GSG1L: variants seen among roughly 807,000 people sequenced by gnomAD.
The protein encoded by GSG1L is germ cell-specific gene 1-like protein.
In GSG1L, 24 loss-of-function variants were observed where a neutral mutation model predicts 42.1. The observed-to-expected ratio is 0.57, with a 90% CI of 0.41 to 0.80. The LOEUF (loss-of-function observed/expected upper bound fraction) is 0.80, where lower values mean the gene tolerates loss of function less well. Among genes scored for constraint, GSG1L ranks in the 30% least tolerant of loss-of-function variants. The probability of loss-of-function intolerance (pLI) is 0.00; values close to 1 mark genes in which losing one functional copy is unlikely to be tolerated. For synonymous variants in GSG1L, 215 were observed against 203.5 expected (o/e 1.06, Z -0.48); for missense variants, 445 against 472.2 (o/e 0.94, Z 0.53).
rs1206944218 is a variant in GSG1L, at chr16:27,976,831, C to T, written c.350-13628G>A. On this transcript the variant is annotated intron_variant, in intron 1 of 6. Coordinates refer to ENST00000447459, the MANE Select transcript of GSG1L (RefSeq NM_001109763.2). ...CTTCAAGATCCAGCTCAAATGTCCA[C>T]CCCACTCTCCCGTCATGAAGCCTGT... 2.6e-5 allele frequency among the ~76,000 whole-genome samples: 4 copies of T among 152,222 alleles called. No individual in the cohort carries two copies. The East Asian group carries it at 7.7e-4, about 29-fold the overall frequency.
chr16:27,866,038 C>A (rs1458268402), intron 3 of GSG1L, among the ~76,000 whole-genome samples: 1 of 151,976 alleles, frequency 6.6e-6, no homozygotes, highest in East Asian at 1.9e-4. Context: ...CTCTCTGTGT[C>A]TCTCTCTAGT....
intron 5 of GSG1L, among the ~76,000 whole-genome samples, chr16:27,814,794 A>G (rs1278046208): frequency 2.0e-5 from 3 of 152,166 alleles, no homozygotes; most frequent in African/African-American, 4.8e-5. Context: ...GGAGGTAGCC[A>G]AGGGTCATCA....
chr16:27,847,551 C>A (rs1420012626), intron 3 of GSG1L, among the ~76,000 whole-genome samples: 2 of 152,176 alleles, frequency 1.3e-5, no homozygotes, highest in African/African-American at 4.8e-5. Context: ...GAAAGCAGAG[C>A]CAGGAAAGTG....
intron 2 of GSG1L, among the ~76,000 whole-genome samples, chr16:27,928,044 A>G (rs967668707): frequency 7.2e-5 from 11 of 152,218 alleles, no homozygotes; most frequent in African/African-American, 2.7e-4. Flanking sequence ...CCACTAGACG[A>G]TACGTTCCAT....
At chr16:27,959,303 CAA>C (rs3033628) in intron 2 of GSG1L, among the ~76,000 whole-genome samples, 15 of 131,138 alleles carry the variant, frequency 1.1e-4, no homozygotes, top group African/African-American at 1.7e-4. Context: ...ACTAATAATA[CAA>C]AAAAAAAAAA....
intron 1 of GSG1L, among the ~76,000 whole-genome samples, chr16:28,007,984 A>G (rs1209376514): frequency 6.6e-6 from 1 of 152,152 alleles, no homozygotes; most frequent in Non-Finnish European, 1.5e-5. Flanking sequence ...AGTACTATAG[A>G]AACTGCACGC....
intron 3 of GSG1L, among the ~76,000 whole-genome samples, chr16:27,872,682 C>T (rs2083837152): frequency 6.6e-6 from 1 of 152,166 alleles, no homozygotes; most frequent in African/African-American, 2.4e-5. Flanking sequence ...AAGATGGTGA[C>T]AAAAGTGCCC....
chr16:27,861,179 C>A (rs1380822227), intron 3 of GSG1L, among the ~76,000 whole-genome samples: 1 of 152,030 alleles, frequency 6.6e-6, no homozygotes, highest in Non-Finnish European at 1.5e-5. Flanking sequence ...ACCAGCCTGG[C>A]CAACATGGTG....
At chr16:27,991,684 C>T (rs1438955298) in intron 1 of GSG1L, among the ~76,000 whole-genome samples, 1 of 152,162 alleles carries the variant, frequency 6.6e-6, no homozygotes, top group Non-Finnish European at 1.5e-5. Flanking sequence ...GGATTACAGG[C>T]ATGAGCCACC....
chr16:27,813,761 C>A (rs569501992), intron 5 of GSG1L, among the ~76,000 whole-genome samples: 1 of 152,332 alleles, frequency 6.6e-6, no homozygotes, highest in African/African-American at 2.4e-5. Flanking sequence ...CCCCCAATGG[C>A]GGGGCTCCCT....
intron 6 of GSG1L, among the ~76,000 whole-genome samples, chr16:27,803,792 T>TATAG (rs1178511091): frequency 2.5e-4 from 14 of 56,270 alleles, no homozygotes; most frequent in East Asian, 1.6e-3. Flanking sequence ...TATATATATA[T>TATAG]ATAGATAGAT....
At chr16:27,806,354 T>C (rs2082962347) in intron 6 of GSG1L, among the ~76,000 whole-genome samples, 1 of 152,202 alleles carries the variant, frequency 6.6e-6, no homozygotes, top group Non-Finnish European at 1.5e-5. Flanking sequence ...ATTCAGTTAC[T>C]AGGATCACAG....
At chr16:28,020,611 T>C (rs2085831590) in intron 1 of GSG1L, among the ~76,000 whole-genome samples, 1 of 152,242 alleles carries the variant, frequency 6.6e-6, no homozygotes, top group Non-Finnish European at 1.5e-5. Flanking sequence ...CTGGTCTGCC[T>C]GCCCTTTTGC....
chr16:27,918,860 C>G (rs1337259083), intron 2 of GSG1L, among the ~76,000 whole-genome samples: 1 of 152,000 alleles, frequency 6.6e-6, no homozygotes, highest in Non-Finnish European at 1.5e-5. Flanking sequence ...CCATGAAATT[C>G]TATGGGAGAC....
chr16:27,913,966 A>C (rs2084421312), intron 2 of GSG1L, among the ~76,000 whole-genome samples: 1 of 151,326 alleles, frequency 6.6e-6, no homozygotes, highest in Non-Finnish European at 1.5e-5. Flanking sequence ...AACTGGTAAA[A>C]TTTGAGCCTA....
chr16:27,854,177 G>A (rs2083546795), intron 3 of GSG1L, among the ~76,000 whole-genome samples: 2 of 151,228 alleles, frequency 1.3e-5, no homozygotes, highest in South Asian at 4.3e-4. Context: ...GGGACGCAGG[G>A]GAGGAAGAGG....
chr16:27,886,906 C>T (rs1186229766), intron 2 of GSG1L, among the ~76,000 whole-genome samples: 1 of 152,118 alleles, frequency 6.6e-6, no homozygotes, highest in Non-Finnish European at 1.5e-5. Flanking sequence ...GCAGGAACTA[C>T]TGGGAAAGAG....
At position 27,946,579 on chromosome 16, in the gene GSG1L, AAGAGAGAGAGAGAGAG is replaced by A. The variant is rs1166800286; in HGVS notation, c.397+16561_397+16576del. Among the ~76,000 whole-genome samples, 90 of 37,024 alleles carry A rather than the reference AAGAGAGAGAGAGAGAG, an allele frequency of 2.4e-3. 1 individual carries two copies. Among genetic ancestry groups the A allele is most frequent in the South Asian group, 3.3e-3 (2 of 608 alleles). 24.3% of individuals were successfully genotyped at this position (37,024 alleles called of 152,430 possible). ...AAAGAAAGAAAGAAAGAAAGAAAGA[AAGAGAGAGAGAGAGAG>A]AGAGAGAGAGAGAGAGAGAGAGAGA... is the stretch of plus-strand genomic sequence containing the variant. On this transcript the variant is annotated intron_variant, in intron 2 of 6. Coordinates refer to ENST00000447459, the MANE Select transcript of GSG1L (RefSeq NM_001109763.2).
intron 2 of GSG1L, among the ~76,000 whole-genome samples, chr16:27,899,744 AC>A (rs1404773864): frequency 6.6e-6 from 1 of 151,994 alleles, no homozygotes; most frequent in Non-Finnish European, 1.5e-5. Flanking sequence ...ACAACAAGAC[AC>A]GTGTAAAGAG....
Sources: gnomAD v4.1 joint callset for allele counts (sites outside exome capture counted in the v4.1 genomes callset) on GRCh38, gnomAD v4.1.1 for gene constraint, MANE v1.5 for transcripts, NCBI Gene and HGNC (gene_info 2026-07-23, HGNC 2026-07-21) for gene names.